STX8: variants seen among roughly 807,000 people sequenced by gnomAD.
STX8 encodes syntaxin-8.
STX8 carries 23 observed loss-of-function variants against 37.5 expected under a neutral mutation model. The ratio of observed to expected loss-of-function variants is 0.61; its 90% CI spans 0.44 to 0.87. The LOEUF (loss-of-function observed/expected upper bound fraction) is 0.87. STX8 is among the 40% of genes least tolerant of loss of function. STX8 has a pLI of 0.00. For missense variants in STX8, 313 were observed against 284.7 expected (o/e 1.10, Z -0.71); for synonymous variants, 115 against 99.1 (o/e 1.16, Z -0.95).
intron 3 of STX8, among the ~76,000 whole-genome samples, chr17:9,549,314 C>T (rs544575995): frequency 6.6e-6 from 1 of 152,278 alleles, no homozygotes; most frequent in South Asian, 2.1e-4. Flanking sequence ...ACATCAGTTT[C>T]AGAAACAGTA....
At chr17:9,349,306 A>C (rs1055983438) in intron 7 of STX8, among the ~76,000 whole-genome samples, 26 of 104,424 alleles carry the variant, frequency 2.5e-4, no homozygotes, top group South Asian at 2.3e-3. Context: ...CGATAAATTT[A>C]TTTTCTTTTC....
chr17:9,296,437 G>A (rs544131348), intron 7 of STX8, among the ~76,000 whole-genome samples: 1 of 151,146 alleles, frequency 6.6e-6, no homozygotes, highest in East Asian at 1.9e-4. Flanking sequence ...GGTGGAGGTT[G>A]CAGTGAACCA....
At chr17:9,519,044 G>T (rs947237810) in intron 4 of STX8, among the ~76,000 whole-genome samples, 2 of 151,948 alleles carry the variant, frequency 1.3e-5, no homozygotes, top group Non-Finnish European at 2.9e-5. Flanking sequence ...TGGAGGGTTT[G>T]GGGGGAGTAG....
chr17:9,534,872 GA>G (rs1267905848), intron 4 of STX8, among the ~76,000 whole-genome samples: 1 of 151,948 alleles, frequency 6.6e-6, no homozygotes, highest in East Asian at 1.9e-4. Flanking sequence ...CCATATTTTA[GA>G]AAATGTGGTA....
chr17:9,502,854 G>A (rs1904669723), intron 5 of STX8, among the ~76,000 whole-genome samples: 1 of 152,084 alleles, frequency 6.6e-6, no homozygotes, highest in Non-Finnish European at 1.5e-5. Flanking sequence ...TGTAATCCCA[G>A]CACTTTGGGA....
At chr17:9,374,738 CAG>C (rs1292416651) in intron 7 of STX8, among the ~76,000 whole-genome samples, 1 of 151,874 alleles carries the variant, frequency 6.6e-6, no homozygotes, top group African/African-American at 2.4e-5. Context: ...GAAGAAATAA[CAG>C]AAATAATGAT....
At chr17:9,268,713 G>A (rs1907323024) in intron 7 of STX8, among the ~76,000 whole-genome samples, 1 of 152,166 alleles carries the variant, frequency 6.6e-6, no homozygotes, top group South Asian at 2.1e-4. Flanking sequence ...CAGAACTGGT[G>A]CTCTTCAACC....
Position 9,568,290 on chromosome 17 carries a change from C to G in STX8, c.117+81G>C, listed in dbSNP as rs145644125. ...ATCATCATACACACATGTGCACAGA[C>G]AGCCTCAAAGAAAGATAGGAGGGTT... On this transcript the variant is annotated intron_variant, in intron 2 of 7. Coordinates refer to ENST00000306357, the MANE Select transcript of STX8 (RefSeq NM_004853.3). 744 of 1,011,796 alleles carry G rather than the reference C, an allele frequency of 7.4e-4. 5 individuals are homozygous for G. In the African/African-American group the frequency reaches 0.01, roughly 14 times the overall value. 62.7% of individuals were successfully genotyped at this position (1,011,796 alleles called of 1,614,324 possible).
intron 2 of STX8, among the ~76,000 whole-genome samples, chr17:9,564,362 G>GAGGA (rs1413165100): frequency 1.3e-5 from 2 of 151,694 alleles, no homozygotes; most frequent in African/African-American, 2.4e-5. Flanking sequence ...GAAAGAGAGA[G>GAGGA]AGGAAGGAAG....
chr17:9,481,131 C>T (rs1259474416), intron 6 of STX8, among the ~76,000 whole-genome samples: 1 of 152,172 alleles, frequency 6.6e-6, no homozygotes, highest in Non-Finnish European at 1.5e-5. Flanking sequence ...GATCCATCTG[C>T]CTTGGCCTCC....
rs188061684 is a variant in STX8 at position 9,434,413 on chromosome 17, C to T, written c.542-55760G>A. Among the ~76,000 whole-genome samples, 67 of 152,284 alleles carry T rather than the reference C, an allele frequency of 4.4e-4. No homozygotes were observed. The East Asian group carries it at 8.1e-3, about 18-fold the overall frequency. On this transcript the variant is annotated intron_variant, in intron 6 of 7. Coordinates refer to ENST00000306357, the MANE Select transcript of STX8 (RefSeq NM_004853.3). The stretch of plus-strand genomic sequence containing the variant: ...AGATTTGTTTTTAAGAAACTAATTG[C>T]GTTAGCAGAGGGGAAGACAGAGTGG...
At chr17:9,371,297 G>A (rs1175723593) in intron 7 of STX8, among the ~76,000 whole-genome samples, 1 of 152,044 alleles carries the variant, frequency 6.6e-6, no homozygotes, top group Non-Finnish European at 1.5e-5. Context: ...ATGATGTGGC[G>A]GCTGCTATCC....
chr17:9,551,384 CAAAG>C (rs1906754664), intron 3 of STX8, among the ~76,000 whole-genome samples: 1 of 152,092 alleles, frequency 6.6e-6, no homozygotes, highest in East Asian at 1.9e-4. Context: ...AAAAACTCCA[CAAAG>C]AAAGGATGAC....
At chr17:9,461,259 C>G (rs1905376165) in intron 6 of STX8, 1 of 152,082 alleles carries the variant, frequency 6.6e-6, no homozygotes, top group African/African-American at 2.4e-5. Flanking sequence ...CACAGAACCC[C>G]ACAGCGGGAG....
chr17:9,572,722 C>T (rs1907731226), intron 1 of STX8, among the ~76,000 whole-genome samples: 1 of 144,226 alleles, frequency 6.9e-6, no homozygotes, highest in African/African-American at 2.5e-5. Flanking sequence ...ATAGGTTTTT[C>T]AAGTCCCTTC....
chr17:9,571,202 T>C (rs1162462550), intron 1 of STX8, among the ~76,000 whole-genome samples: 1 of 152,096 alleles, frequency 6.6e-6, no homozygotes, highest in Admixed American at 6.5e-5. Flanking sequence ...CTGACTCCAG[T>C]CCTTGTGTTG....
intron 7 of STX8, among the ~76,000 whole-genome samples, chr17:9,367,875 C>T (rs9903310): frequency 0.038 from 5,851 of 152,128 alleles, 362 homozygotes; most frequent in African/African-American, 0.13. Context: ...GGATTACAGG[C>T]ACCTGCCATT....
chr17:9,559,780 T>TTTTTTTTTTTA (rs1663311324), intron 2 of STX8, among the ~76,000 whole-genome samples: 1 of 129,580 alleles, frequency 7.7e-6, no homozygotes, highest in Non-Finnish European at 1.6e-5. Flanking sequence ...TTTTTTTTTT[T>TTTTTTTTTTTA]GAGACAGAGT....
chr17:9,423,450 T>C (rs1597662234), intron 6 of STX8, among the ~76,000 whole-genome samples: 1 of 152,072 alleles, frequency 6.6e-6, no homozygotes, highest in South Asian at 2.1e-4. Context: ...CTCAGCCTCC[T>C]GAGTAACTGG....
Sources: gnomAD v4.1 joint callset for allele counts (sites outside exome capture counted in the v4.1 genomes callset) on GRCh38, gnomAD v4.1.1 for gene constraint, MANE v1.5 for transcripts, NCBI Gene and HGNC (gene_info 2026-07-23, HGNC 2026-07-21) for gene names.